Variants in KCNJ5 observed in about 807,000 individuals in gnomAD.
KCNJ5 encodes G protein-activated inward rectifier potassium channel 4.
In KCNJ5, 12 loss-of-function variants were observed where a neutral mutation model predicts 20.2. The observed-to-expected ratio is 0.59, with a 90% CI of 0.38 to 0.96. The LOEUF is 0.96. KCNJ5 is among the 40% of genes least tolerant of loss of function. The pLI is 0.00. For synonymous variants in KCNJ5, 210 were observed against 213.9 expected, an observed-to-expected ratio of 0.98 and a Z score of 0.16; for missense variants, 449 against 557.6, an observed-to-expected ratio of 0.81 and a Z score of 1.96.
At chr11:128,912,613 C>A (rs1194966338) in intron 2 of KCNJ5, among the ~76,000 whole-genome samples, 1 of 152,122 alleles carries the variant, frequency 6.6e-6, no homozygotes, top group Non-Finnish European at 1.5e-5. Flanking sequence ...CGGATTCAAG[C>A]GATTCTCCTG....
intron 1 of KCNJ5, among the ~76,000 whole-genome samples, chr11:128,892,491 G>A (rs1944110551): frequency 6.6e-6 from 1 of 152,188 alleles, no homozygotes; most frequent in Non-Finnish European, 1.5e-5. Flanking sequence ...TGAACATCAG[G>A]GTGAGCAACA....
At chr11:128,901,569 A>T (rs1944277944) in intron 1 of KCNJ5, 2 of 152,282 alleles carry the variant, frequency 1.3e-5, no homozygotes, top group Admixed American at 1.3e-4. Context: ...CCAGGTCAGG[A>T]TGTCTCCGAG....
At chr11:128,900,168 A>G (rs1944250186) in intron 1 of KCNJ5, 1 of 152,244 alleles carries the variant, frequency 6.6e-6, no homozygotes, top group East Asian at 1.9e-4. Flanking sequence ...TATTTTAAAT[A>G]CCATCAAAAT....
intron 1 of KCNJ5, chr11:128,899,947 T>C (rs905364761): frequency 6.6e-6 from 1 of 151,690 alleles, no homozygotes; most frequent in Non-Finnish European, 1.5e-5. Flanking sequence ...GCCTGGCAGG[T>C]TGGGAAACTC....
At position 128,916,465 on chromosome 11, in the gene KCNJ5, C is replaced by T. The variant is rs746985291; in HGVS notation, c.994C>T (p.Arg332Ter). 6.2e-6 allele frequency: 10 copies of T among 1,614,088 alleles called. No homozygotes were observed. Among genetic ancestry groups the T allele is most frequent in the Admixed American group, 5.0e-5 (3 of 60,014 alleles). ...GGATACAGAGGTGCTCTGGGGCCACCGATTCACACCAGTCCTCACCTTGGA... is the reference window on the plus strand; with the variant it reads ...GGATACAGAGGTGCTCTGGGGCCACTGATTCACACCAGTCCTCACCTTGGA... ...YMDTEVLWGH[R>*]FTPVLTLEKG... The change falls in exon 3 of 3, where the codon CGA (arginine) becomes TGA (stop). Residue 332 changes from arginine to a stop codon, truncating the protein, a stop_gained. Transcript: ENST00000529694. LOFTEE classifies it low-confidence loss of function (END_TRUNC).
At chr11:128,894,782 A>G (rs992907823) in intron 1 of KCNJ5, among the ~76,000 whole-genome samples, 15 of 152,362 alleles carry the variant, frequency 9.8e-5, no homozygotes, top group African/African-American at 3.6e-4. Flanking sequence ...CCTGTGCAGC[A>G]GCAGCTTATC....
intron 1 of KCNJ5, among the ~76,000 whole-genome samples, chr11:128,895,343 T>G (rs1010137701): frequency 6.6e-6 from 1 of 151,296 alleles, no homozygotes; most frequent in Non-Finnish European, 1.5e-5. Context: ...AGATGCCTCC[T>G]GGGACCAAAC....
rs954389298 is a variant in KCNJ5 at position 128,911,248 on chromosome 11, T to C, written c.-10-16T>C. On this transcript the variant is annotated splice_polypyrimidine_tract_variant and intron_variant, in intron 1 of 2. Transcript: ENST00000529694. This position sits in a 1 kb window ranked among gnomAD's most constrained non-coding sequence, Gnocchi z 6.3. ...AGAACAGCCCACTTCACTGATGGTG[T>C]CTTTTTAACTCAAAGCATCCCAGCT... 3.7e-6 allele frequency: 6 copies of C among 1,604,164 alleles called. No individual in the cohort carries two copies. The highest frequency in any genetic ancestry group is 5.1e-6 in the Non-Finnish European group (6 of 1,171,554).
intron 1 of KCNJ5, among the ~76,000 whole-genome samples, chr11:128,893,815 C>T (rs1215863810): frequency 6.6e-6 from 1 of 152,232 alleles, no homozygotes; most frequent in African/African-American, 2.4e-5. Flanking sequence ...ACCATGGCTT[C>T]CCTGGAGTCT....
At chr11:128,905,252 C>T (rs1340161551) in intron 1 of KCNJ5, among the ~76,000 whole-genome samples, 1 of 152,216 alleles carries the variant, frequency 6.6e-6, no homozygotes, top group Non-Finnish European at 1.5e-5. Context: ...GCAGGCCCCT[C>T]CTGGCTCTCA....
chr11:128,912,239 G>C (rs777390373), intron 2 of KCNJ5, 29 bp downstream of exon 2: 2 of 1,565,132 alleles, frequency 1.3e-6, no homozygotes, highest in Non-Finnish European at 1.7e-6. Flanking sequence ...CTCAGCCACA[G>C]GTGGCCCTAC....
chr11:128,892,999 C>T (rs1944118812), intron 1 of KCNJ5, among the ~76,000 whole-genome samples: 1 of 152,216 alleles, frequency 6.6e-6, no homozygotes, highest in Non-Finnish European at 1.5e-5. Context: ...CTAACAAAAG[C>T]TAATTCTGAA....
intron 1 of KCNJ5, chr11:128,902,635 G>T (rs1055859188): frequency 6.2e-7 from 1 of 1,613,934 alleles, no homozygotes; most frequent in East Asian, 2.2e-5. Flanking sequence ...CATGGGCCTT[G>T]CAGATTGAGT....
intron 1 of KCNJ5, chr11:128,902,596 G>A (rs1187619087): frequency 6.2e-7 from 1 of 1,613,044 alleles, no homozygotes; most frequent in South Asian, 1.1e-5. Context: ...GGGCACTGAG[G>A]GGGTAGCCCA....
At chr11:128,905,126 G>T (rs1362774165) in intron 1 of KCNJ5, among the ~76,000 whole-genome samples, 5 of 152,336 alleles carry the variant, frequency 3.3e-5, no homozygotes, top group African/African-American at 9.6e-5. Context: ...CTGGGTGGCT[G>T]GGGCCGCTGG....
At chr11:128,903,502 G>A in intron 1 of KCNJ5, 1 of 1,614,098 alleles carries the variant, frequency 6.2e-7, no homozygotes, top group Non-Finnish European at 8.5e-7. Flanking sequence ...CCTGACAGAG[G>A]CAGACCTGCC....
chr11:128,895,955 C>T (rs1259596007), intron 1 of KCNJ5, among the ~76,000 whole-genome samples: 3 of 152,276 alleles, frequency 2.0e-5, no homozygotes, highest in East Asian at 1.9e-4. Flanking sequence ...CCTGGGCCTG[C>T]GGCTGTCCCA....
At chr11:128,915,990 A>ATGGATGGATGGATGGATGAT (rs1944573049) in intron 2 of KCNJ5, among the ~76,000 whole-genome samples, 1 of 1,622 alleles carries the variant, frequency 6.2e-4, no homozygotes, top group Non-Finnish European at 1.3e-3. Context: ...GGATGATTGG[A>ATGGATGGATGGATGGATGAT]TGGATGGATG....
At position 128,920,364 on chromosome 11, in the gene KCNJ5, A is replaced by G. The variant is rs555575909; in HGVS notation, c.*3633A>G. 6.6e-6 allele frequency: 1 copy of G among 152,546 alleles called. No individual in the cohort carries two copies. Among genetic ancestry groups the G allele is most frequent in the Admixed American group, 6.5e-5 (1 of 15,304 alleles). 9.4% of individuals were successfully genotyped at this position (152,546 alleles called of 1,614,324 possible). ...TTGCTGGAGAAGAGGAGCCCCTGCC[A>G]TCTGGGGAGCACTGTCCCTGCTCGT... On this transcript the variant is annotated 3_prime_UTR_variant, in exon 3 of 3. Transcript: ENST00000529694.
Sources: gnomAD v4.1 joint callset for allele counts (sites outside exome capture counted in the v4.1 genomes callset) on GRCh38, gnomAD v4.1.1 for gene constraint, Gnocchi (gnomAD v3.1) non-coding constraint, MANE v1.5 for transcripts, NCBI Gene and HGNC (gene_info 2026-07-23, HGNC 2026-07-21) for gene names.